The following GALK2 variants were observed in gnomAD, a reference collection of about 807,000 sequenced individuals.
The protein encoded by GALK2 is N-acetylgalactosamine kinase.
In GALK2, 36 loss-of-function variants were observed where a neutral mutation model predicts 52.4. The observed-to-expected ratio is 0.69, with a 90% CI of 0.53 to 0.91. The LOEUF is 0.91. Ranked by LOEUF, GALK2 falls within the 40% of genes least tolerant of loss-of-function variation. The pLI, the probability that GALK2 is intolerant of heterozygous loss-of-function variation, is 0.00. For missense variants in GALK2, 579 were observed against 559.1 expected (o/e 1.04, Z -0.36); for synonymous variants, 176 against 199.1 (o/e 0.88, Z 0.98).
chr15:49,155,970 G>A, exon 1 of GALK2: 2 of 1,613,794 alleles, frequency 1.2e-6, no homozygotes, highest in South Asian at 2.2e-5. Context: ...CTTAGGACCA[G>A]AAGCCTTTCG....
intron 5 of GALK2, among the ~76,000 whole-genome samples, chr15:49,275,856 T>C (rs2031568724): frequency 6.6e-6 from 1 of 152,210 alleles, no homozygotes; most frequent in Admixed American, 6.5e-5. Flanking sequence ...ATTTCTCCTC[T>C]TACCTGGAGT....
Position 49,292,309 on chromosome 15 carries a change from C to T in GALK2, c.757-18C>T. 1 of 1,605,810 alleles carries T rather than the reference C, an allele frequency of 6.2e-7. No homozygotes were observed. Among genetic ancestry groups the T allele is most frequent in the Non-Finnish European group, 8.5e-7 (1 of 1,173,162 alleles). ...ATTCTGAATCAAAACTGACCATTAT[C>T]TTGATTTGAATTTGCAGCTCCTGGC... On this transcript the variant is annotated intron_variant, in intron 7 of 9. Coordinates refer to ENST00000560031, the MANE Select transcript of GALK2 (RefSeq NM_002044.4).
intron 3 of GALK2, among the ~76,000 whole-genome samples, chr15:49,338,150 T>C (rs890002032): frequency 2.0e-5 from 3 of 152,226 alleles, no homozygotes; most frequent in African/African-American, 7.2e-5. Context: ...AATATTGTTA[T>C]GTGTGAACTG....
intron 2 of GALK2, among the ~76,000 whole-genome samples, chr15:49,203,839 G>A (rs1011499757): frequency 3.3e-5 from 5 of 152,186 alleles, no homozygotes; most frequent in African/African-American, 1.2e-4. Flanking sequence ...CCTTGGCCAG[G>A]CATGGTGGCT....
rs1202514806 is a variant in GALK2, at chr15:49,258,792, ATATGTGTG to A, written c.504+19427_504+19434del. ...TATTTGGAAGCATATATATATATATATATGTGTGTGTGTGTGTGTGTGTGTGTGTGTGT... is the reference window on the plus strand; with the variant it reads ...TATTTGGAAGCATATATATATATATATGTGTGTGTGTGTGTGTGTGTGTGT... On this transcript the variant is annotated intron_variant, in intron 5 of 9. Coordinates refer to ENST00000560031, the MANE Select transcript of GALK2 (RefSeq NM_002044.4). Among the ~76,000 whole-genome samples the A allele has an allele frequency of 2.6e-4, 34 of 130,918 alleles. No homozygotes were observed. The East Asian group carries it at 3.6e-3, about 14-fold the overall frequency. 85.9% of individuals were successfully genotyped at this position (130,918 alleles called of 152,430 possible). A position where few individuals can be genotyped will look rare whatever the true frequency, so the allele number is the denominator to read the frequency against.
At chr15:49,201,299 G>A (rs759930864) in intron 2 of GALK2, 49 bp downstream of exon 2, 4 of 987,330 alleles carry the variant, frequency 4.1e-6, no homozygotes, top group African/African-American at 1.7e-5. Flanking sequence ...CCTTTGATAA[G>A]ATCTAAATTT....
upstream of GALK2, among the ~76,000 whole-genome samples, chr15:49,168,561 A>G (rs965241062): frequency 3.3e-5 from 5 of 152,102 alleles, no homozygotes; most frequent in Admixed American, 2.6e-4. Flanking sequence ...TTTACTAAAA[A>G]TACAAAAATT....
intron 5 of GALK2, among the ~76,000 whole-genome samples, chr15:49,251,507 G>A (rs182808449): frequency 1.4e-3 from 202 of 148,246 alleles, no homozygotes; most frequent in Non-Finnish European, 2.2e-3. Flanking sequence ...CTTTTATTGT[G>A]GCAAGACCAC....
chr15:49,291,566 T>G (rs2033938336), intron 7 of GALK2, among the ~76,000 whole-genome samples: 1 of 152,190 alleles, frequency 6.6e-6, no homozygotes, highest in Non-Finnish European at 1.5e-5. Flanking sequence ...AGAGAAATCC[T>G]CACTGTTTTG....
At chr15:49,355,417 C>G (rs889917369) in intron 3 of GALK2, among the ~76,000 whole-genome samples, 2 of 152,100 alleles carry the variant, frequency 1.3e-5, no homozygotes, top group Admixed American at 6.5e-5. Flanking sequence ...AGCTGAAAAC[C>G]AAGGCTCGAG....
chr15:49,346,161 A>T (rs1346319504), intron 3 of GALK2, among the ~76,000 whole-genome samples: 2 of 151,608 alleles, frequency 1.3e-5, no homozygotes, highest in Non-Finnish European at 2.9e-5. Flanking sequence ...CCAAAACAAC[A>T]CTTCCGTTGT....
chr15:49,191,923 C>T (rs57784948), intron 1 of GALK2, among the ~76,000 whole-genome samples: 7,603 of 151,756 alleles, frequency 0.05, 288 homozygotes, highest in Middle Eastern at 0.16. Context: ...AATGCTTTTC[C>T]TTTTCTTCCT....
upstream of GALK2, among the ~76,000 whole-genome samples, chr15:49,165,367 G>A (rs777509784): frequency 2.0e-5 from 3 of 152,124 alleles, no homozygotes; most frequent in Non-Finnish European, 4.4e-5. Flanking sequence ...TTTCAGACTT[G>A]CCTAGGGTCA....
At position 49,329,355 on chromosome 15, in the gene GALK2, T is replaced by A. The variant is rs929242291; in HGVS notation, c.*1196T>A. 9 of 985,394 alleles carry A rather than the reference T, an allele frequency of 9.1e-6. No homozygotes were observed. Among genetic ancestry groups the A allele is most frequent in the Non-Finnish European group, 1.1e-5 (9 of 829,912 alleles). The allele number at this position is 985,394 out of a possible 1,614,324, so 61.0% of individuals were successfully genotyped here. The stretch of plus-strand genomic sequence containing the variant: ...ATGTAATGATTTGGACCAAAAAGTA[T>A]TTTGCTGAAATACTCAGGTAATTGA... On this transcript the variant is annotated 3_prime_UTR_variant, in exon 10 of 10. Coordinates refer to ENST00000560031, the MANE Select transcript of GALK2 (RefSeq NM_002044.4).
intron 2 of GALK2, among the ~76,000 whole-genome samples, chr15:49,212,768 A>G (rs113293698): frequency 0.077 from 11,786 of 152,172 alleles, 1,009 homozygotes; most frequent in African/African-American, 0.21. Flanking sequence ...CTGGTCATTC[A>G]GGAGCATATT....
intron 3 of GALK2, chr15:49,366,630 G>A: frequency 1.3e-6 from 2 of 1,584,302 alleles, no homozygotes; most frequent in Non-Finnish European, 1.7e-6. Flanking sequence ...AGCTGGAGCA[G>A]GAAGCCCCAG....
At chr15:49,166,750 A>G (rs115429976), upstream of GALK2, among the ~76,000 whole-genome samples, 1,319 of 152,264 alleles carry the variant, frequency 8.7e-3, 24 homozygotes, top group African/African-American at 0.031. Flanking sequence ...ACATCATTAT[A>G]AAGAAGACAT....
chr15:49,365,326 A>C, intron 3 of GALK2: 1 of 1,567,856 alleles, frequency 6.4e-7, no homozygotes, highest in East Asian at 2.2e-5. Flanking sequence ...GCACCAGAAC[A>C]ACAAATGTAA....
At chr15:49,338,171 T>C (rs1204572838) in intron 3 of GALK2, among the ~76,000 whole-genome samples, 2 of 152,206 alleles carry the variant, frequency 1.3e-5, no homozygotes, top group Non-Finnish European at 2.9e-5. Context: ...GATCCTGCCA[T>C]TATGATGCTA....
Sources: gnomAD v4.1 joint callset for allele counts (sites outside exome capture counted in the v4.1 genomes callset) on GRCh38, gnomAD v4.1.1 for gene constraint, MANE v1.5 for transcripts, NCBI Gene and HGNC (gene_info 2026-07-23, HGNC 2026-07-21) for gene names.